C8A: variants seen among roughly 807,000 people sequenced by gnomAD.
C8A encodes complement component C8 alpha chain.
C8A carries 67 observed loss-of-function variants against 65.3 expected under a neutral mutation model. The observed-to-expected ratio is 1.03, with a 90% confidence interval of 0.84 to 1.26. The LOEUF is 1.26. Ranked by LOEUF, C8A falls within the 50% of genes most tolerant of loss-of-function variation. The pLI is 0.00. For missense variants in C8A, 781 were observed against 723.9 expected, an observed-to-expected ratio of 1.08 and a Z score of -0.90; for synonymous variants, 290 against 259.4, an observed-to-expected ratio of 1.12 and a Z score of -1.13.
intron 4 of C8A, among the ~76,000 whole-genome samples, chr1:56,877,775 G>T (rs901179102): frequency 4.6e-5 from 7 of 152,122 alleles, no homozygotes; most frequent in African/African-American, 1.7e-4. Flanking sequence ...ACCCAGCCCT[G>T]TTGCAGCCCA....
Position 56,905,171 on chromosome 1 carries a change from C to T in C8A, c.1097-1496C>T, listed in dbSNP as rs143595760. Reference sequence around the variant, plus strand: ...AAGCCCTTTGCTCAGTGCTGAGTGCCGGTGCTCAGAGCATCACTTTCCCCA... The same window carrying T: ...AAGCCCTTTGCTCAGTGCTGAGTGCTGGTGCTCAGAGCATCACTTTCCCCA... On this transcript the variant is annotated intron_variant, in intron 7 of 10. Coordinates refer to ENST00000361249, the MANE Select transcript of C8A (RefSeq NM_000562.3). Among the ~76,000 whole-genome samples the T allele has an allele frequency of 2.0e-3, 309 of 152,268 alleles. 2 individuals are homozygous for T. Among genetic ancestry groups the T allele is most frequent in the Admixed American group, 5.9e-3 (90 of 15,294 alleles).
At chr1:56,898,147 AT>A (rs1644399969) in intron 7 of C8A, among the ~76,000 whole-genome samples, 1 of 152,102 alleles carries the variant, frequency 6.6e-6, no homozygotes, top group East Asian at 1.9e-4. Context: ...GAATGTCCAG[AT>A]TCACTCAAAG....
chr1:56,855,550 G>A (rs72670316), intron 1 of C8A, among the ~76,000 whole-genome samples: 7,886 of 151,964 alleles, frequency 0.052, 282 homozygotes, highest in Middle Eastern at 0.11. Context: ...TTTGCTATGG[G>A]ATAATAGAGG....
At chr1:56,877,347 C>A (rs768678107) in intron 4 of C8A, among the ~76,000 whole-genome samples, 1 of 152,134 alleles carries the variant, frequency 6.6e-6, no homozygotes, top group Non-Finnish European at 1.5e-5. Context: ...CTGCTCTTGA[C>A]TTTGCCTAGG....
chr1:56,895,876 G>A (rs772019167), intron 7 of C8A, among the ~76,000 whole-genome samples: 35 of 152,236 alleles, frequency 2.3e-4, no homozygotes, highest in Non-Finnish European at 4.6e-4. Context: ...TTGAGCCTGG[G>A]AGGTCGAGGT....
intron 2 of C8A, among the ~76,000 whole-genome samples, chr1:56,868,833 G>T (rs971836629): frequency 3.3e-5 from 5 of 152,024 alleles, no homozygotes; most frequent in African/African-American, 1.2e-4. Context: ...CCTCTTATCT[G>T]CATTGTTACT....
At chr1:56,879,995 A>C (rs901683241) in intron 4 of C8A, among the ~76,000 whole-genome samples, 30 of 152,298 alleles carry the variant, frequency 2.0e-4, no homozygotes, top group Middle Eastern at 3.4e-3. Context: ...AGGAGGAAAC[A>C]GCAGTCTTTC....
intron 7 of C8A, among the ~76,000 whole-genome samples, chr1:56,905,518 G>A (rs570878097): frequency 2.0e-4 from 31 of 152,248 alleles, no homozygotes; most frequent in South Asian, 8.3e-4. Context: ...ACATTGCTAC[G>A]CTAACAAGAC....
chr1:56,915,733 G>C (rs1296200149), intron 10 of C8A, among the ~76,000 whole-genome samples: 1 of 152,174 alleles, frequency 6.6e-6, no homozygotes, highest in Non-Finnish European at 1.5e-5. Context: ...TGGATAATTT[G>C]CTCAAGGTCA....
At chr1:56,866,961 G>A (rs1000913510) in intron 1 of C8A, among the ~76,000 whole-genome samples, 1 of 152,112 alleles carries the variant, frequency 6.6e-6, no homozygotes, top group Non-Finnish European at 1.5e-5. Flanking sequence ...TCATTCCTGG[G>A]TTATGACTTC....
chr1:56,860,085 A>G (rs971067386), intron 1 of C8A, among the ~76,000 whole-genome samples: 3 of 152,150 alleles, frequency 2.0e-5, no homozygotes, highest in East Asian at 3.9e-4. Context: ...TTTTTTTTAC[A>G]TTGTGATAAA....
chr1:56,904,475 T>C (rs1352637656), intron 7 of C8A, among the ~76,000 whole-genome samples: 1 of 152,208 alleles, frequency 6.6e-6, no homozygotes, highest in Non-Finnish European at 1.5e-5. Flanking sequence ...GGTGTCTACA[T>C]TGCCCAATAT....
At chr1:56,885,775 C>G in intron 6 of C8A, 152 bp from the exon 7 acceptor site, 1 of 982,186 alleles carries the variant, frequency 1.0e-6, no homozygotes. Flanking sequence ...TGGTCTCGAT[C>G]TCCTGACCTT....
chr1:56,902,718 C>A (rs1405833328), intron 7 of C8A, among the ~76,000 whole-genome samples: 1 of 152,120 alleles, frequency 6.6e-6, no homozygotes, highest in African/African-American at 2.4e-5. Context: ...ATTCATATAT[C>A]TAATATAAGT....
chr1:56,861,027 G>A (rs147282014), intron 1 of C8A, among the ~76,000 whole-genome samples: 17 of 152,314 alleles, frequency 1.1e-4, no homozygotes, highest in African/African-American at 4.1e-4. Flanking sequence ...ATAAAGGAAA[G>A]GAGTCTATTT....
At chr1:56,876,811 C>T (rs1353375127) in intron 4 of C8A, among the ~76,000 whole-genome samples, 3 of 152,146 alleles carry the variant, frequency 2.0e-5, no homozygotes, top group African/African-American at 4.8e-5. Flanking sequence ...ATGCATCACA[C>T]TCTTTCCTTC....
chr1:56,903,724 C>T (rs944044853), intron 7 of C8A, among the ~76,000 whole-genome samples: 1 of 152,186 alleles, frequency 6.6e-6, no homozygotes, highest in African/African-American at 2.4e-5. Context: ...TCTGTAGGAC[C>T]ACCATACTCA....
intron 10 of C8A, among the ~76,000 whole-genome samples, chr1:56,914,390 C>A (rs1202101591): frequency 6.6e-6 from 1 of 152,096 alleles, no homozygotes; most frequent in East Asian, 1.9e-4. Context: ...CCTTCCTACC[C>A]CCAGAATCTC....
intron 7 of C8A, among the ~76,000 whole-genome samples, chr1:56,906,115 A>G (rs574222907): frequency 6.6e-6 from 1 of 152,298 alleles, no homozygotes; most frequent in South Asian, 2.1e-4. Flanking sequence ...GAGGATCTGG[A>G]CAAAGAGAAT....
Sources: allele counts gnomAD v4.1 joint callset (sites outside exome capture counted in the v4.1 genomes callset), GRCh38; gene constraint gnomAD v4.1.1; transcripts MANE v1.5; gene names NCBI Gene and HGNC (gene_info 2026-07-23, HGNC 2026-07-21).